Variants in KCNT2 observed in about 807,000 individuals in gnomAD.
The protein encoded by KCNT2 is potassium sodium-activated channel subfamily T member 2.
Under a neutral mutation model 153.8 loss-of-function variants are expected in KCNT2, and 67 were observed. The observed-to-expected ratio is 0.44, with a 90% CI of 0.36 to 0.53. The LOEUF (loss-of-function observed/expected upper bound fraction) is 0.53. KCNT2 is among the 20% of genes least tolerant of loss of function. KCNT2 has a pLI of 0.00. For synonymous variants in KCNT2, 500 were observed against 458.8 expected (o/e 1.09, Z -1.15); for missense variants, 975 against 1,354.8 (o/e 0.72, Z 4.40).
chr1:196,456,996 A>G (rs921328728), intron 8 of KCNT2, among the ~76,000 whole-genome samples: 2 of 151,950 alleles, frequency 1.3e-5, no homozygotes, highest in African/African-American at 4.8e-5. Context: ...TTTCCAGTCA[A>G]AACAATTTAA....
chr1:196,249,214 T>G (rs942151078), intron 26 of KCNT2, among the ~76,000 whole-genome samples: 2 of 152,104 alleles, frequency 1.3e-5, no homozygotes, highest in African/African-American at 4.8e-5. Flanking sequence ...AGGGAAAAAC[T>G]GAAAGCCTTT....
At chr1:196,483,582 A>G (rs1213000361) in intron 3 of KCNT2, among the ~76,000 whole-genome samples, 5 of 152,076 alleles carry the variant, frequency 3.3e-5, no homozygotes, top group Admixed American at 2.0e-4. Context: ...TTCCTTCTAC[A>G]AGCTCTTTTT....
chr1:196,593,586 G>T (rs1391516636), intron 1 of KCNT2, among the ~76,000 whole-genome samples: 2 of 151,744 alleles, frequency 1.3e-5, no homozygotes, highest in Admixed American at 6.6e-5. Flanking sequence ...AATGCTTGGG[G>T]GGATGGATAT....
chr1:196,288,141 T>TAAAAAATAAAAAAATA (rs147133199), intron 22 of KCNT2, among the ~76,000 whole-genome samples: 1 of 149,964 alleles, frequency 6.7e-6, no homozygotes, highest in Non-Finnish European at 1.5e-5. Context: ...AATAAATAAA[T>TAAAAAATAAAAAAATA]AAAAAATAAA....
chr1:196,297,452 C>A (rs1328281247), intron 22 of KCNT2, among the ~76,000 whole-genome samples: 2 of 152,084 alleles, frequency 1.3e-5, no homozygotes, highest in Non-Finnish European at 2.9e-5. Context: ...TGAATGTATG[C>A]ACTGCATTGT....
intron 1 of KCNT2, among the ~76,000 whole-genome samples, chr1:196,555,553 A>G (rs1028678789): frequency 2.0e-5 from 3 of 151,500 alleles, no homozygotes; most frequent in Non-Finnish European, 4.4e-5. Flanking sequence ...GGAAGAATCA[A>G]TATTGTTAAA....
intron 1 of KCNT2, among the ~76,000 whole-genome samples, chr1:196,594,438 C>G (rs1043166472): frequency 4.6e-5 from 7 of 151,968 alleles, no homozygotes; most frequent in African/African-American, 1.5e-4. Flanking sequence ...TATGTGGTGG[C>G]CTATATATTC....
intron 27 of KCNT2, among the ~76,000 whole-genome samples, chr1:196,232,012 C>T (rs891811116): frequency 6.6e-6 from 1 of 151,688 alleles, no homozygotes; most frequent in African/African-American, 2.4e-5. Context: ...ATAAAGTTTG[C>T]ACTTTTGTCT....
chr1:196,427,122 G>A (rs74939327), intron 10 of KCNT2, among the ~76,000 whole-genome samples: 8,762 of 151,882 alleles, frequency 0.058, 391 homozygotes, highest in Non-Finnish European at 0.085. Flanking sequence ...TGATAAGTAA[G>A]CTTGAAATTA....
chr1:196,339,520 C>CAGAGAGAGAGAGAGAGAG (rs5779831), intron 16 of KCNT2, among the ~76,000 whole-genome samples: 31 of 138,010 alleles, frequency 2.2e-4, no homozygotes, highest in African/African-American at 8.9e-4. Context: ...CACACACACA[C>CAGAGAGAGAGAGAGAGAG]AGAGAGAGAG....
intron 22 of KCNT2, among the ~76,000 whole-genome samples, chr1:196,300,493 T>A (rs529985481): frequency 1.3e-5 from 2 of 152,156 alleles, no homozygotes; most frequent in East Asian, 3.9e-4. Context: ...TGAAATTAGG[T>A]CATAAGATCC....
chr1:196,305,030 T>C (rs1227021728), intron 22 of KCNT2, among the ~76,000 whole-genome samples: 1 of 152,152 alleles, frequency 6.6e-6, no homozygotes, highest in Non-Finnish European at 1.5e-5. Flanking sequence ...AATATCTCCA[T>C]CATATTTACC....
At chr1:196,372,281 C>CA (rs1467954555) in intron 14 of KCNT2, among the ~76,000 whole-genome samples, 2 of 151,824 alleles carry the variant, frequency 1.3e-5, no homozygotes, top group Non-Finnish European at 2.9e-5. Flanking sequence ...AAATAAATCT[C>CA]AAAAAAGAAT....
intron 1 of KCNT2, among the ~76,000 whole-genome samples, chr1:196,541,545 A>C (rs1656370781): frequency 6.6e-6 from 1 of 152,178 alleles, no homozygotes; most frequent in South Asian, 2.1e-4. Context: ...ATATTGTCAG[A>C]GAATGCTTTT....
chr1:196,506,165 A>G (rs187273004), intron 1 of KCNT2, among the ~76,000 whole-genome samples: 1 of 152,282 alleles, frequency 6.6e-6, no homozygotes, highest in African/African-American at 2.4e-5. Flanking sequence ...AAAGAAGATG[A>G]GCATGAGCTT....
intron 22 of KCNT2, among the ~76,000 whole-genome samples, chr1:196,288,875 G>A (rs2147906855): frequency 6.6e-6 from 1 of 152,144 alleles, no homozygotes; most frequent in Middle Eastern, 3.4e-3. Flanking sequence ...ACATACAATG[G>A]TTTGGAGCTT....
intron 14 of KCNT2, among the ~76,000 whole-genome samples, chr1:196,349,973 T>C (rs1268664621): frequency 6.6e-6 from 1 of 152,112 alleles, no homozygotes; most frequent in Non-Finnish European, 1.5e-5. Context: ...TTTTTTGTCC[T>C]TGCGATAGTT....
At chr1:196,374,438 C>G (rs1419736149) in intron 13 of KCNT2, among the ~76,000 whole-genome samples, 3 of 151,740 alleles carry the variant, frequency 2.0e-5, no homozygotes, top group Non-Finnish European at 3.0e-5. Flanking sequence ...TATTGTTTCT[C>G]TTTCACATTT....
intron 1 of KCNT2, among the ~76,000 whole-genome samples, chr1:196,566,626 TA>T (rs1660145139): frequency 6.6e-6 from 1 of 152,014 alleles, no homozygotes; most frequent in Admixed American, 6.6e-5. Context: ...TTATGAAAAC[TA>T]AATGGAAGTT....
Sources: allele counts gnomAD v4.1 joint callset (sites outside exome capture counted in the v4.1 genomes callset), GRCh38; gene constraint gnomAD v4.1.1; transcripts MANE v1.5; gene names NCBI Gene and HGNC (gene_info 2026-07-23, HGNC 2026-07-21).